ADAMTSL1: variants seen among roughly 807,000 people sequenced by gnomAD.
ADAMTSL1 encodes the protein ADAMTS like 1.
ADAMTSL1 carries 126 observed loss-of-function variants against 201.8 expected under a neutral mutation model. The ratio of observed to expected loss-of-function variants is 0.62; its 90% CI spans 0.54 to 0.72. ADAMTSL1 has a LOEUF of 0.72. Ranked by LOEUF, ADAMTSL1 falls within the 30% of genes least tolerant of loss-of-function variation. The probability of loss-of-function intolerance (pLI) is 0.00; values close to 1 mark genes in which losing one functional copy is unlikely to be tolerated. For synonymous variants in ADAMTSL1, 1,121 were observed against 903.4 expected, an observed-to-expected ratio of 1.24 and a Z score of -4.32; for missense variants, 2,679 against 2,277.8, an observed-to-expected ratio of 1.18 and a Z score of -3.59.
At chr9:18,245,133 T>A (rs549451032) in intron 2 of ADAMTSL1, among the ~76,000 whole-genome samples, 1 of 152,272 alleles carries the variant, frequency 6.6e-6, no homozygotes, top group Admixed American at 6.5e-5. Flanking sequence ...CCTCATTATA[T>A]CAGGGATGCA....
chr9:18,369,010 T>C (rs1586990237), intron 2 of ADAMTSL1, among the ~76,000 whole-genome samples: 1 of 152,356 alleles, frequency 6.6e-6, no homozygotes, highest in East Asian at 1.9e-4. Flanking sequence ...GTTACTGTTC[T>C]TCACTTGCAG....
At chr9:18,386,578 A>G (rs1391193360) in intron 2 of ADAMTSL1, among the ~76,000 whole-genome samples, 1 of 152,176 alleles carries the variant, frequency 6.6e-6, no homozygotes, top group African/African-American at 2.4e-5. Flanking sequence ...TACTTGACAG[A>G]AGGTTTACCT....
At chr9:18,344,168 G>C (rs992718703) in intron 2 of ADAMTSL1, among the ~76,000 whole-genome samples, 1 of 152,044 alleles carries the variant, frequency 6.6e-6, no homozygotes, top group Non-Finnish European at 1.5e-5. Context: ...TGGTTCACCC[G>C]AATACTGAAG....
intron 1 of ADAMTSL1, among the ~76,000 whole-genome samples, chr9:17,916,428 T>C (rs1212544679): frequency 1.3e-5 from 2 of 152,238 alleles, no homozygotes; most frequent in Non-Finnish European, 1.5e-5. Flanking sequence ...GGTTGTCTTC[T>C]AGAAGTTTTA....
At chr9:18,618,530 A>G (rs558186785) in intron 4 of ADAMTSL1, among the ~76,000 whole-genome samples, 2 of 148,950 alleles carry the variant, frequency 1.3e-5, no homozygotes, top group African/African-American at 5.2e-5. Flanking sequence ...GTATACATGA[A>G]AAAAAAAACA....
At chr9:18,422,424 C>T (rs1403247779) in intron 2 of ADAMTSL1, among the ~76,000 whole-genome samples, 4 of 152,150 alleles carry the variant, frequency 2.6e-5, no homozygotes, top group African/African-American at 9.7e-5. Flanking sequence ...GTTTCTGTGG[C>T]ATTCAGACAT....
chr9:18,555,960 C>A (rs931440081), intron 3 of ADAMTSL1, among the ~76,000 whole-genome samples: 2 of 151,796 alleles, frequency 1.3e-5, no homozygotes, highest in Non-Finnish European at 2.9e-5. Context: ...TTCCTATGAA[C>A]GTTGTGCACA....
At chr9:17,908,059 A>G (rs1196593963) in intron 1 of ADAMTSL1, among the ~76,000 whole-genome samples, 1 of 152,098 alleles carries the variant, frequency 6.6e-6, no homozygotes, top group Non-Finnish European at 1.5e-5. Context: ...TTTTGATTGC[A>G]GTGGTGCACT....
At chr9:18,157,868 A>T (rs1359865967) in intron 1 of ADAMTSL1, among the ~76,000 whole-genome samples, 1 of 151,986 alleles carries the variant, frequency 6.6e-6, no homozygotes, top group Non-Finnish European at 1.5e-5. Context: ...GTTGGCAGCC[A>T]TTAGCTGTGA....
intron 2 of ADAMTSL1, among the ~76,000 whole-genome samples, chr9:18,284,653 G>A (rs1832925880): frequency 6.6e-6 from 1 of 152,120 alleles, no homozygotes; most frequent in Non-Finnish European, 1.5e-5. Context: ...ATGTGATCAT[G>A]TTGAATTTTT....
chr9:18,885,264 A>C (rs76224180), intron 23 of ADAMTSL1, among the ~76,000 whole-genome samples: 3,128 of 152,288 alleles, frequency 0.021, 120 homozygotes, highest in African/African-American at 0.07. Flanking sequence ...ATAAGGGCTG[A>C]ATTCACCCTT....
At chr9:18,466,123 C>T (rs1465120069) in intron 2 of ADAMTSL1, among the ~76,000 whole-genome samples, 2 of 152,158 alleles carry the variant, frequency 1.3e-5, no homozygotes, top group African/African-American at 4.8e-5. Flanking sequence ...AAGTTTTTCC[C>T]CTTTATCCTT....
At chr9:18,614,636 C>A (rs529898060) in intron 4 of ADAMTSL1, among the ~76,000 whole-genome samples, 3 of 152,258 alleles carry the variant, frequency 2.0e-5, no homozygotes, top group African/African-American at 7.2e-5. Context: ...TGATCTTACT[C>A]CCTTTCTACT....
intron 2 of ADAMTSL1, among the ~76,000 whole-genome samples, chr9:18,398,080 G>A (rs537335152): frequency 6.6e-6 from 1 of 152,206 alleles, no homozygotes; most frequent in African/African-American, 2.4e-5. Context: ...CTAACAGCTG[G>A]CTTTATAGTA....
chr9:18,012,578 G>A (rs973779976), intron 1 of ADAMTSL1, among the ~76,000 whole-genome samples: 15 of 152,056 alleles, frequency 9.9e-5, no homozygotes, highest in Admixed American at 3.3e-4. Flanking sequence ...TTAAAAGCAT[G>A]AGGGAAGAGA....
intron 4 of ADAMTSL1, 23 bp from the exon 5 acceptor site, chr9:18,622,220 T>C (rs764771062): frequency 5.6e-6 from 9 of 1,611,986 alleles, no homozygotes; most frequent in Non-Finnish European, 7.6e-6. Flanking sequence ...TTGGTTGAAT[T>C]ACACATCTCT....
chr9:18,114,684 G>A (rs1825174618), intron 1 of ADAMTSL1, among the ~76,000 whole-genome samples: 1 of 152,080 alleles, frequency 6.6e-6, no homozygotes, highest in East Asian at 1.9e-4. Flanking sequence ...AAAAACAAAA[G>A]AAGATTCATG....
intron 2 of ADAMTSL1, among the ~76,000 whole-genome samples, chr9:18,446,814 G>A (rs1820209768): frequency 6.6e-6 from 1 of 152,138 alleles, no homozygotes; most frequent in African/African-American, 2.4e-5. Flanking sequence ...ACAGAATTAG[G>A]CCTACCTTGG....
chr9:18,230,254 T>C (rs1211597484), intron 2 of ADAMTSL1, among the ~76,000 whole-genome samples: 1 of 152,178 alleles, frequency 6.6e-6, no homozygotes, highest in Non-Finnish European at 1.5e-5. Context: ...ATTTGCTTTC[T>C]ATTCTGAACA....
Sources: gnomAD v4.1 joint callset for allele counts (sites outside exome capture counted in the v4.1 genomes callset) on GRCh38, gnomAD v4.1.1 for gene constraint, MANE v1.5 for transcripts, NCBI Gene and HGNC (gene_info 2026-07-23, HGNC 2026-07-21) for gene names.